The following SHROOM3 variants were observed in gnomAD, a reference collection of about 807,000 sequenced individuals.
SHROOM3 encodes the protein protein Shroom3.
In SHROOM3, 47 loss-of-function variants were observed where a neutral mutation model predicts 138.6. The ratio of observed to expected loss-of-function variants is 0.34; its 90% CI spans 0.27 to 0.43. The LOEUF (loss-of-function observed/expected upper bound fraction) is 0.43. SHROOM3 is among the 20% of genes least tolerant of loss of function. SHROOM3 has a pLI of 1.00. For synonymous variants in SHROOM3, 1,062 were observed against 1,063.3 expected, an observed-to-expected ratio of 1.00 and a Z score of 0.02; for missense variants, 2,491 against 2,596.5, an observed-to-expected ratio of 0.96 and a Z score of 0.88.
chr4:76,737,065 G>A (rs2110132207), intron 4 of SHROOM3, among the ~76,000 whole-genome samples: 1 of 152,262 alleles, frequency 6.6e-6, no homozygotes, highest in East Asian at 1.9e-4. Context: ...AAAATCCTCT[G>A]TGCTCGCCCA....
chr4:76,754,318 A>G lies in SHROOM3; in HGVS notation c.3835A>G (p.Ser1279Gly). ...GTCTGTGTGCCGTTCCAGGTCACTC[A>G]GTTGTTCAGAAAGAGGCCAAGAAGA... ...YLAGPGSRSL[S>G]CSERGQEEML... Residue 1279 changes from serine (S) to glycine (G), a missense_variant, in exon 7 of 11, where the codon AGT (serine) becomes GGT (glycine). Physicochemically the swap from Ser to Gly is moderately conservative, Grantham distance 56. Coordinates refer to ENST00000296043, the MANE Select transcript of SHROOM3 (RefSeq NM_020859.4). 1 of 1,614,058 alleles carries G rather than the reference A, an allele frequency of 6.2e-7. No individual in the cohort carries two copies. The highest frequency in any genetic ancestry group is 8.5e-7 in the Non-Finnish European group (1 of 1,180,002).
At chr4:76,626,767 T>C (rs934079822) in intron 2 of SHROOM3, among the ~76,000 whole-genome samples, 1 of 152,212 alleles carries the variant, frequency 6.6e-6, no homozygotes, top group Non-Finnish European at 1.5e-5. Flanking sequence ...AAATCTAGGA[T>C]ATGAAACTTG....
intron 1 of SHROOM3, among the ~76,000 whole-genome samples, chr4:76,488,128 AAG>A (rs1451934279): frequency 6.6e-6 from 1 of 152,166 alleles, no homozygotes; most frequent in Non-Finnish European, 1.5e-5. Flanking sequence ...GGATGATAAA[AAG>A]AGTGTATAGT....
At chr4:76,448,905 C>G (rs1730866846) in intron 1 of SHROOM3, among the ~76,000 whole-genome samples, 1 of 152,210 alleles carries the variant, frequency 6.6e-6, no homozygotes, top group Non-Finnish European at 1.5e-5. Flanking sequence ...CCCATAGAAT[C>G]TTACACTTAA....
At chr4:76,592,745 T>C (rs1337686015) in intron 2 of SHROOM3, among the ~76,000 whole-genome samples, 1 of 152,242 alleles carries the variant, frequency 6.6e-6, no homozygotes, top group Non-Finnish European at 1.5e-5. Context: ...AAAAGTCTTA[T>C]TGAATTCCAC....
chr4:76,482,268 C>T (rs996219800), intron 1 of SHROOM3, among the ~76,000 whole-genome samples: 1 of 152,150 alleles, frequency 6.6e-6, no homozygotes, highest in Non-Finnish European at 1.5e-5. Context: ...ATCATCTCAG[C>T]CCAAAATTTC....
intron 8 of SHROOM3, among the ~76,000 whole-genome samples, chr4:76,758,866 G>C (rs554044087): frequency 6.6e-6 from 1 of 152,252 alleles, no homozygotes; most frequent in Admixed American, 6.5e-5. Flanking sequence ...TAGGCTGAAA[G>C]GCAACTCAAA....
At position 76,538,702 on chromosome 4, in the gene SHROOM3, A is replaced by G. The variant is rs116548602; in HGVS notation, c.169-16907A>G. Reference sequence around the variant, plus strand: ...GGGCCTACTCTACTTTTCCTTTATTAATTAATTCATTCATGCAACATGTAT... The same window carrying G: ...GGGCCTACTCTACTTTTCCTTTATTGATTAATTCATTCATGCAACATGTAT... On this transcript the variant is annotated intron_variant, in intron 1 of 10. Coordinates refer to ENST00000296043, the MANE Select transcript of SHROOM3 (RefSeq NM_020859.4). Among the ~76,000 whole-genome samples the G allele has an allele frequency of 6.5e-3, 995 of 152,268 alleles. 6 individuals carry two copies. Among genetic ancestry groups the G allele is most frequent in the African/African-American group, 0.022 (915 of 41,522 alleles).
chr4:76,609,590 C>G (rs1259782001), intron 2 of SHROOM3, among the ~76,000 whole-genome samples: 1 of 152,164 alleles, frequency 6.6e-6, no homozygotes, highest in Non-Finnish European at 1.5e-5. Context: ...TGTATCTGAC[C>G]ATGTTTCTCT....
At chr4:76,724,593 A>G (rs1347053673) in intron 3 of SHROOM3, among the ~76,000 whole-genome samples, 1 of 152,216 alleles carries the variant, frequency 6.6e-6, no homozygotes, top group Non-Finnish European at 1.5e-5. Flanking sequence ...TTTCCTTCCC[A>G]GAGGCAGTCA....
At chr4:76,569,925 C>G (rs6835665) in intron 2 of SHROOM3, among the ~76,000 whole-genome samples, 5 of 152,112 alleles carry the variant, frequency 3.3e-5, no homozygotes, top group Admixed American at 6.5e-5. Flanking sequence ...ATGAATCTTT[C>G]CTGCCTCATT....
rs60668614 is a variant in SHROOM3, at chr4:76,702,017, T to C, written c.324-8139T>C. ...AGACATAGAAAAGAGAGAAGAAAAA[T>C]AGTACCCATAATCCTGTCACCCAGT... is the stretch of plus-strand genomic sequence containing the variant. On this transcript the variant is annotated intron_variant, in intron 2 of 10. Transcript: ENST00000296043. Among the ~76,000 whole-genome samples, 793 of 152,234 alleles carry C rather than the reference T, an allele frequency of 5.2e-3. 3 individuals carry two copies. Among genetic ancestry groups the C allele is most frequent in the African/African-American group, 0.018 (747 of 41,546 alleles).
Position 76,695,410 on chromosome 4 carries a change from CA to C in SHROOM3, c.324-14739del, listed in dbSNP as rs954097852. 1.5e-4 allele frequency among the ~76,000 whole-genome samples: 23 copies of C among 151,962 alleles called. 1 individual carries two copies. Among genetic ancestry groups the C allele is most frequent in the African/African-American group, 5.5e-4 (23 of 41,456 alleles). On this transcript the variant is annotated intron_variant, in intron 2 of 10. Coordinates refer to ENST00000296043, the MANE Select transcript of SHROOM3 (RefSeq NM_020859.4). ...ATAGATGCAATATTTTCTTGGTCTCCAAAAAAATAGCAAGGTAAGAAATGTG... is the reference window on the plus strand; with the variant it reads ...ATAGATGCAATATTTTCTTGGTCTCCAAAAAATAGCAAGGTAAGAAATGTG...
At chr4:76,476,418 A>G (rs1168296931) in intron 1 of SHROOM3, among the ~76,000 whole-genome samples, 5 of 152,190 alleles carry the variant, frequency 3.3e-5, no homozygotes, top group Non-Finnish European at 7.3e-5. Flanking sequence ...TCATACATTC[A>G]TTATTAAGAA....
intron 3 of SHROOM3, among the ~76,000 whole-genome samples, chr4:76,721,120 G>C (rs942701206): frequency 3.3e-5 from 5 of 151,668 alleles, no homozygotes; most frequent in Middle Eastern, 3.4e-3. Context: ...GACCATCCCG[G>C]CTAAAACGGT....
At chr4:76,513,571 T>C (rs34145103) in intron 1 of SHROOM3, among the ~76,000 whole-genome samples, 44,583 of 152,032 alleles carry the variant, frequency 0.29, 7,356 homozygotes, top group African/African-American at 0.43. Context: ...GTCTCGGCCT[T>C]CCAAAGCACT....
chr4:76,710,508 A>G (rs372120457), intron 3 of SHROOM3, among the ~76,000 whole-genome samples: 190 of 152,304 alleles, frequency 1.2e-3, no homozygotes, highest in Middle Eastern at 0.01. Context: ...AGAACTGTAA[A>G]GTTCCTGGGA....
intron 1 of SHROOM3, among the ~76,000 whole-genome samples, chr4:76,536,520 G>C (rs1732956884): frequency 6.6e-6 from 1 of 152,160 alleles, no homozygotes; most frequent in Non-Finnish European, 1.5e-5. Flanking sequence ...AGGTTTTAAA[G>C]GTAGGACTTT....
At position 76,731,031 on chromosome 4, in the gene SHROOM3, C is replaced by G. The variant is rs1560604577; in HGVS notation, c.587+96C>G. 6.0e-6 allele frequency: 9 copies of G among 1,496,072 alleles called. No homozygotes were observed. In the East Asian group the frequency reaches 2.1e-4, roughly 34 times the overall value. The allele number at this position is 1,496,072 out of a possible 1,614,324, so 92.7% of individuals were successfully genotyped here. On this transcript the variant is annotated intron_variant, in intron 4 of 10. Transcript: ENST00000296043. ...CTTCTCTGTTTTGAGAATGTTTTTTCTTATACTCACACTAAATATTAAATC... is the reference window on the plus strand; with the variant it reads ...CTTCTCTGTTTTGAGAATGTTTTTTGTTATACTCACACTAAATATTAAATC...
Sources: allele counts gnomAD v4.1 joint callset (sites outside exome capture counted in the v4.1 genomes callset), GRCh38; gene constraint gnomAD v4.1.1; transcripts MANE v1.5; gene names NCBI Gene and HGNC (gene_info 2026-07-23, HGNC 2026-07-21).